ACSL4: variants seen among roughly 807,000 people sequenced by gnomAD.
ACSL4 encodes the protein acyl-CoA synthetase long chain family member 4.
ACSL4 carries 9 observed loss-of-function variants against 49.1 expected under a neutral mutation model. The observed-to-expected ratio is 0.18, with a 90% CI of 0.11 to 0.32. ACSL4 has a LOEUF of 0.32. Among genes scored for constraint, ACSL4 ranks in the 10% least tolerant of loss-of-function variants. ACSL4 has a pLI of 1.00. For synonymous variants in ACSL4, 191 were observed against 170.3 expected (o/e 1.12, Z -0.95); for missense variants, 333 against 493.7 (o/e 0.67, Z 3.08).
chrX:109,677,906 A>G (rs1923853065), intron 8 of ACSL4, 82 bp downstream of exon 8: 2 of 1,162,352 alleles, frequency 1.7e-6, no homozygotes, highest in African/African-American at 3.5e-5. Context: ...CTGAATTAAA[A>G]TATCTCGAGT....
chrX:109,675,643 G>A (rs898976021), intron 8 of ACSL4, among the ~76,000 whole-genome samples: 6 of 111,376 alleles, frequency 5.4e-5, no homozygotes, highest in Admixed American at 2.9e-4. Flanking sequence ...GAAAGGCAGT[G>A]AAAAATCAAA....
chrX:109,724,578 T>C (rs902390658), intron 1 of ACSL4, among the ~76,000 whole-genome samples: 5 of 111,495 alleles, frequency 4.5e-5, no homozygotes, highest in African/African-American at 1.6e-4. Flanking sequence ...TCCCCAGTAG[T>C]TGGAACCATA....
At chrX:109,668,347 T>G in intron 10 of ACSL4, 74 bp from the exon 11 acceptor site, 3 of 918,776 alleles carry the variant, frequency 3.3e-6, no homozygotes, top group Non-Finnish European at 4.5e-6. Flanking sequence ...TTATAAGCTC[T>G]GGGAAAGATT....
At chrX:109,646,319 T>A (rs1235877932) in intron 15 of ACSL4, among the ~76,000 whole-genome samples, 1 of 111,865 alleles carries the variant, frequency 8.9e-6, no homozygotes, top group South Asian at 3.8e-4. Flanking sequence ...TAACAGCGGA[T>A]CTCTCGGCAG....
chrX:109,645,141 T>G (rs1238047653), intron 15 of ACSL4, among the ~76,000 whole-genome samples: 1 of 112,954 alleles, frequency 8.9e-6, no homozygotes, highest in African/African-American at 3.2e-5. Context: ...ACAAAGCAGC[T>G]GGGAAGCTCC....
At position 109,641,979 on chromosome X, in the gene ACSL4, T is replaced by A. The variant is rs745309859; in HGVS notation, c.*2050A>T. The A allele has an allele frequency of 3.6e-5, 4 of 112,226 alleles. No homozygotes were observed. The highest frequency in any genetic ancestry group is 7.5e-5 in the Non-Finnish European group (4 of 53,125). The allele number at this position is 112,226 out of a possible 1,213,427, so 9.2% of individuals were successfully genotyped here. Reference sequence around the variant, plus strand: ...TTTGTTTACATAAACATGTATATTTTTAGATGGAAAATCAAGGGGTAGTGG... The same window carrying A: ...TTTGTTTACATAAACATGTATATTTATAGATGGAAAATCAAGGGGTAGTGG... On this transcript the variant is annotated 3_prime_UTR_variant, in exon 16 of 16. Coordinates refer to ENST00000672401, the MANE Select transcript of ACSL4 (RefSeq NM_001318510.2).
At chrX:109,682,387 TG>T (rs1273815727) in intron 4 of ACSL4, among the ~76,000 whole-genome samples, 1 of 111,003 alleles carries the variant, frequency 9.0e-6, no homozygotes, top group Non-Finnish European at 1.9e-5. Context: ...AATGGTTTTT[TG>T]TTCTTTTAAT....
At chrX:109,691,718 C>T (rs1434864981) in intron 2 of ACSL4, among the ~76,000 whole-genome samples, 3 of 112,007 alleles carry the variant, frequency 2.7e-5, no homozygotes, top group Non-Finnish European at 3.8e-5. Context: ...GTCTGCAAGA[C>T]GAAATAATCA....
chrX:109,661,775 G>A, intron 13 of ACSL4, 130 bp from the exon 14 acceptor site: 1 of 513,904 alleles, frequency 1.9e-6, no homozygotes, highest in East Asian at 3.7e-5. Context: ...TTAGGTTGGT[G>A]CAAAAGTAAT....
Position 109,678,012 on chromosome X carries a change from A to T in ACSL4, c.906T>A (p.Ser302=). ...CCTGGTCAGAGAGTGTAAGCGGAGAAGAATATCCAATCCTGCAGCCATAGG... is the reference window on the plus strand; with the variant it reads ...CCTGGTCAGAGAGTGTAAGCGGAGATGAATATCCAATCCTGCAGCCATAGG... The part of the protein sequence containing the change: ...CFTYGCRIGY[S]SPLTLSDQSS... The change falls in exon 8 of 16, where the codon TCT becomes TCA. Residue 302 remains serine (S), a synonymous_variant. Transcript: ENST00000672401. 8.3e-7 allele frequency: 1 copy of T among 1,211,776 alleles called. No homozygotes were observed. The highest frequency in any genetic ancestry group is 1.7e-5 in the African/African-American group (1 of 57,883).
intron 1 of ACSL4, among the ~76,000 whole-genome samples, chrX:109,702,502 T>C (rs762852503): frequency 4.4e-5 from 5 of 112,368 alleles, no homozygotes; most frequent in Non-Finnish European, 7.5e-5. Context: ...GATCATTTTA[T>C]ATTTAGTCTA....
chrX:109,669,025 T>C lies in ACSL4; in HGVS notation c.1142+9A>G. 2 of 1,200,874 alleles carry C rather than the reference T, an allele frequency of 1.7e-6. No individual in the cohort carries two copies. Among genetic ancestry groups the C allele is most frequent in the Non-Finnish European group, 2.3e-6 (2 of 887,621 alleles). ...GGCTCAAACCACAGAGCCTATGAAA[T>C]GTACTTACAGATTGCAAAGAGGTGC... On this transcript the variant is annotated intron_variant, in intron 10 of 15. Transcript: ENST00000672401.
intron 1 of ACSL4, among the ~76,000 whole-genome samples, chrX:109,697,110 T>C (rs1925499032): frequency 8.9e-6 from 1 of 112,414 alleles, no homozygotes; most frequent in Non-Finnish European, 1.9e-5. Flanking sequence ...CCAGAAATGT[T>C]TGTCAGTTTA....
intron 9 of ACSL4, among the ~76,000 whole-genome samples, chrX:109,673,823 A>C (rs1923462856): frequency 8.9e-6 from 1 of 112,468 alleles, no homozygotes; most frequent in African/African-American, 3.2e-5. Context: ...CACAAATCTG[A>C]AACATGGTGT....
At chrX:109,645,563 A>G (rs1159776105) in intron 15 of ACSL4, among the ~76,000 whole-genome samples, 2 of 112,053 alleles carry the variant, frequency 1.8e-5, no homozygotes, top group Non-Finnish European at 3.8e-5. Flanking sequence ...AAAACCACAA[A>G]GATGGGGAAA....
chrX:109,666,637 A>G (rs2147402802), intron 11 of ACSL4, among the ~76,000 whole-genome samples: 1 of 111,821 alleles, frequency 8.9e-6, no homozygotes, highest in East Asian at 2.8e-4. Flanking sequence ...AGGTCAGGGC[A>G]GGCGCAGTGG....
At position 109,733,193 on chromosome X, in the gene ACSL4, G is replaced by A; in HGVS notation, c.-120C>T. ...CCGGCCGGCGCCTGGCACTCGGAAA[G>A]CTCGCAAAAAGGAACCGCGTGCCCG... On this transcript the variant is annotated 5_prime_UTR_variant, in exon 1 of 16. Transcript: ENST00000672401. 1 of 328,744 alleles carries A rather than the reference G, an allele frequency of 3.0e-6. No individual in the cohort carries two copies. The highest frequency in any genetic ancestry group is 2.6e-5 in the South Asian group (1 of 38,469). 27.1% of individuals were successfully genotyped at this position (328,744 alleles called of 1,213,427 possible). A position where few individuals can be genotyped will look rare whatever the true frequency, so the allele number is the denominator to read the frequency against.
chrX:109,662,907 A>G (rs1405540550), intron 13 of ACSL4, among the ~76,000 whole-genome samples: 4 of 111,294 alleles, frequency 3.6e-5, no homozygotes, highest in African/African-American at 1.3e-4. Context: ...CCTGTTTGCT[A>G]TTTCCCTGCC....
intron 9 of ACSL4, among the ~76,000 whole-genome samples, 185 bp from the exon 10 acceptor site, chrX:109,669,358 G>C (rs1922963755): frequency 9.1e-6 from 1 of 109,732 alleles, no homozygotes; most frequent in South Asian, 3.8e-4. Flanking sequence ...GACAGATATA[G>C]GGGTTTCTTC....
Sources: gnomAD v4.1 joint callset for allele counts (sites outside exome capture counted in the v4.1 genomes callset) on GRCh38, gnomAD v4.1.1 for gene constraint, MANE v1.5 for transcripts, NCBI Gene and HGNC (gene_info 2026-07-23, HGNC 2026-07-21) for gene names.